The following ARFGEF3 variants were observed in gnomAD, a reference collection of about 807,000 sequenced individuals.
ARFGEF3 encodes brefeldin A-inhibited guanine nucleotide-exchange protein 3.
A neutral mutation model predicts 221.7 loss-of-function variants in ARFGEF3; 96 were observed. The observed-to-expected ratio is 0.43, with a 90% CI of 0.37 to 0.51. The LOEUF (loss-of-function observed/expected upper bound fraction) is 0.51, where lower values mean the gene tolerates loss of function less well. Ranked by LOEUF, ARFGEF3 falls within the 20% of genes least tolerant of loss-of-function variation. The pLI, the probability that ARFGEF3 is intolerant of heterozygous loss-of-function variation, is 0.00. For missense variants in ARFGEF3, 2,410 were observed against 2,789.9 expected (o/e 0.86, Z 3.07); for synonymous variants, 1,145 against 1,126.8 (o/e 1.02, Z -0.32).
At chr6:138,309,877 C>A (rs1779794330) in intron 24 of ARFGEF3, among the ~76,000 whole-genome samples, 1 of 152,202 alleles carries the variant, frequency 6.6e-6, no homozygotes, top group Non-Finnish European at 1.5e-5. Context: ...TCTGCCTACA[C>A]TGGGTGAGGG....
rs575484780 is a variant in ARFGEF3, at chr6:138,286,028, G to A, written c.2544G>A (p.Arg848=). 6.2e-7 allele frequency: 1 copy of A among 1,606,710 alleles called. No individual in the cohort carries two copies. Residue 848 remains arginine, a synonymous_variant, in exon 15 of 34, where the codon AGG becomes AGA. Transcript: ENST00000251691. ...CAGAGTCTCCTTTCGCCCAGAGCAGGAGAATTGATGACTCCACAGTGGCAG... is the reference window on the plus strand; with the variant it reads ...CAGAGTCTCCTTTCGCCCAGAGCAGAAGAATTGATGACTCCACAGTGGCAG... The part of the protein sequence containing the change: ...AATESPFAQS[R]RIDDSTVAGV...
intron 7 of ARFGEF3, among the ~76,000 whole-genome samples, chr6:138,243,523 C>A (rs1562365499): frequency 1.3e-5 from 2 of 152,118 alleles, no homozygotes; most frequent in Non-Finnish European, 2.9e-5. Flanking sequence ...TAGAAGTCCA[C>A]ATATATAATT....
At position 138,278,451 on chromosome 6, in the gene ARFGEF3, G is replaced by A; in HGVS notation, c.2129G>A (p.Gly710Asp). ...AAAGTCCCTTCATTGTCTCCCTTAG[G>A]CATGATGCACTCTCCTGGCTTTGAC... is the stretch of plus-strand genomic sequence containing the variant. The part of the protein sequence containing the change: ...LQNFASTFCS[G>D]MMHSPGFDGN... Residue 710 changes from glycine (G) to aspartate (D), a missense_variant and splice_region_variant, in exon 13 of 34, where the codon GGC (glycine) becomes GAC (aspartate). This residue lies in a region of ARFGEF3 where 594 missense variants were observed against 734.3 expected (regional missense o/e 0.81). Coordinates refer to ENST00000251691, the MANE Select transcript of ARFGEF3 (RefSeq NM_020340.5). 1.2e-6 allele frequency: 2 copies of A among 1,613,588 alleles called. No homozygotes were observed. Among genetic ancestry groups the A allele is most frequent in the Non-Finnish European group, 8.5e-7 (1 of 1,179,802 alleles).
At position 138,259,650 on chromosome 6, in the gene ARFGEF3, G is replaced by A. The variant is rs565250744; in HGVS notation, c.1105-1877G>A. Among the ~76,000 whole-genome samples the A allele has an allele frequency of 2.0e-5, 3 of 152,294 alleles. No individual in the cohort carries two copies. The East Asian group carries it at 5.8e-4, about 29-fold the overall frequency. ...AGAAATAAGTACAAGATTAATGTGG[G>A]AATTAAAATAGATTATCTTGGGAGG... On this transcript the variant is annotated intron_variant, in intron 10 of 33. Coordinates refer to ENST00000251691, the MANE Select transcript of ARFGEF3 (RefSeq NM_020340.5).
rs759029007 is a variant in ARFGEF3 at position 138,255,790 on chromosome 6, G to T, written c.1104+21G>T. 3.4e-6 allele frequency: 5 copies of T among 1,490,820 alleles called. No individual in the cohort carries two copies. The African/African-American group carries it at 7.0e-5, about 21-fold the overall frequency. 92.3% of individuals were successfully genotyped at this position (1,490,820 alleles called of 1,614,324 possible). A position where few individuals can be genotyped will look rare whatever the true frequency, so the allele number is the denominator to read the frequency against. ...AAGAGGTGAGGAGGCACTGGAGATC[G>T]CCACCAGGTTTACAAGGGGGCCTGA... On this transcript the variant is annotated intron_variant, in intron 10 of 33. Transcript: ENST00000251691.
intron 12 of ARFGEF3, among the ~76,000 whole-genome samples, chr6:138,275,000 G>A (rs938286269): frequency 1.3e-5 from 2 of 151,620 alleles, no homozygotes; most frequent in African/African-American, 2.4e-5. Context: ...CCAGCTACTC[G>A]GGAGGCTGAG....
chr6:138,162,884 G>C lies in ARFGEF3; in HGVS notation c.85+713G>C, dbSNP rs1483203842. Among the ~76,000 whole-genome samples, 1 of 152,222 alleles carries C rather than the reference G, an allele frequency of 6.6e-6. No individual in the cohort carries two copies. The highest frequency in any genetic ancestry group is 1.5e-5 in the Non-Finnish European group (1 of 68,038). On this transcript the variant is annotated intron_variant, in intron 1 of 33. Coordinates refer to ENST00000251691, the MANE Select transcript of ARFGEF3 (RefSeq NM_020340.5). The surrounding 1 kb of genome is among the most constrained non-coding windows in gnomAD (Gnocchi z 4.7). ...GGGTTTGGGCAATCAAAATGGTCAG[G>C]ATGGTAATGCAAATAGATCAGAAGC...
chr6:138,316,355 G>A (rs1212907404), intron 26 of ARFGEF3, among the ~76,000 whole-genome samples: 1 of 151,910 alleles, frequency 6.6e-6, no homozygotes, highest in Non-Finnish European at 1.5e-5. Flanking sequence ...GGTTTTCAAA[G>A]GCAAATAATT....
At chr6:138,178,909 G>T (rs567217552) in intron 2 of ARFGEF3, among the ~76,000 whole-genome samples, 1 of 152,266 alleles carries the variant, frequency 6.6e-6, no homozygotes, top group East Asian at 1.9e-4. Context: ...CTTAAATCCT[G>T]TGCCCTCTAC....
chr6:138,162,218 G>C lies in ARFGEF3; in HGVS notation c.85+47G>C, dbSNP rs766996867. On this transcript the variant is annotated intron_variant, in intron 1 of 33. Transcript: ENST00000251691. The surrounding 1 kb of genome is among the most constrained non-coding windows in gnomAD (Gnocchi z 4.7). ...GCCGCGGCGGGAGGGCCGCGCGGCC[G>C]GGGCTGAACCCGCGCCTCCGCGCGT... is the stretch of plus-strand genomic sequence containing the variant. 1 of 1,471,944 alleles carries C rather than the reference G, an allele frequency of 6.8e-7. No individual in the cohort carries two copies. Among genetic ancestry groups the C allele is most frequent in the Non-Finnish European group, 9.3e-7 (1 of 1,075,030 alleles). The allele number at this position is 1,471,944 out of a possible 1,614,324, so 91.2% of individuals were successfully genotyped here.
At chr6:138,257,846 T>C (rs1316243524) in intron 10 of ARFGEF3, among the ~76,000 whole-genome samples, 1 of 152,234 alleles carries the variant, frequency 6.6e-6, no homozygotes, top group Admixed American at 6.5e-5. Flanking sequence ...TGTTATAATA[T>C]TCCAAAGGTT....
chr6:138,231,416 T>C (rs975822284), intron 5 of ARFGEF3, among the ~76,000 whole-genome samples: 3 of 150,760 alleles, frequency 2.0e-5, no homozygotes, highest in African/African-American at 7.3e-5. Flanking sequence ...TGCTTAGATA[T>C]GAAGCCGGCT....
intron 22 of ARFGEF3, among the ~76,000 whole-genome samples, chr6:138,305,211 A>C (rs774716293): frequency 6.6e-6 from 1 of 151,794 alleles, no homozygotes; most frequent in Non-Finnish European, 1.5e-5. Flanking sequence ...CTCCAAACCC[A>C]TTTTATGGGG....
At chr6:138,237,039 C>T (rs9494980) in intron 5 of ARFGEF3, among the ~76,000 whole-genome samples, 4,712 of 147,912 alleles carry the variant, frequency 0.032, 225 homozygotes, top group African/African-American at 0.11. Flanking sequence ...TTCAAATGCT[C>T]CTTTGAAATA....
chr6:138,250,028 A>G (rs748777767), intron 8 of ARFGEF3, among the ~76,000 whole-genome samples: 5 of 152,170 alleles, frequency 3.3e-5, no homozygotes, highest in Non-Finnish European at 5.9e-5. Flanking sequence ...TTCTGATTTT[A>G]CTAACTTAAT....
intron 4 of ARFGEF3, among the ~76,000 whole-genome samples, chr6:138,221,461 ATATT>A (rs948938194): frequency 2.6e-5 from 4 of 152,226 alleles, no homozygotes; most frequent in African/African-American, 9.6e-5. Flanking sequence ...TAATATGTCA[ATATT>A]TATTTGTGAT....
intron 2 of ARFGEF3, among the ~76,000 whole-genome samples, chr6:138,200,460 C>T (rs1777514372): frequency 1.3e-5 from 2 of 152,150 alleles, no homozygotes; most frequent in African/African-American, 2.4e-5. Flanking sequence ...CAGTGTGGTA[C>T]TGGTATAAAA....
At chr6:138,214,235 T>A (rs999315845) in intron 4 of ARFGEF3, among the ~76,000 whole-genome samples, 3 of 152,214 alleles carry the variant, frequency 2.0e-5, no homozygotes, top group African/African-American at 4.8e-5. Flanking sequence ...GAAGAGAGAA[T>A]TAGATGAGTC....
chr6:138,251,264 C>T (rs1778577172), intron 8 of ARFGEF3, among the ~76,000 whole-genome samples: 1 of 152,128 alleles, frequency 6.6e-6, no homozygotes, highest in Admixed American at 6.5e-5. Context: ...GAGAGTCTTT[C>T]CTGTCTATAG....
Sources: allele counts gnomAD v4.1 joint callset (sites outside exome capture counted in the v4.1 genomes callset), GRCh38; gene constraint gnomAD v4.1.1; regional missense constraint gnomAD v4.1.1; non-coding constraint Gnocchi (gnomAD v3.1); transcripts MANE v1.5; gene names NCBI Gene and HGNC (gene_info 2026-07-23, HGNC 2026-07-21).